Variants in DCP1A observed in about 807,000 individuals in gnomAD.
DCP1A encodes decapping mRNA 1A.
In DCP1A, 20 loss-of-function variants were observed where a neutral mutation model predicts 58.0. That is an observed-to-expected ratio of 0.34 (90% CI 0.24 to 0.50). The LOEUF is 0.50. Among genes scored for constraint, DCP1A ranks in the 20% least tolerant of loss-of-function variants. The pLI, the probability that DCP1A is intolerant of heterozygous loss-of-function variation, is 0.98. For missense variants in DCP1A, 613 were observed against 712.2 expected (o/e 0.86, Z 1.59); for synonymous variants, 285 against 275.1 (o/e 1.04, Z -0.36).
At position 53,342,123 on chromosome 3, in the gene DCP1A, T is replaced by A. The variant is rs782778683; in HGVS notation, c.304+21A>T. On this transcript the variant is annotated intron_variant, in intron 3 of 9. Transcript: ENST00000610213. ...CACTCAATTTTAAATGTAATAACTATAATAAAACAGATATACTCACAGCTT... is the reference window on the plus strand; with the variant it reads ...CACTCAATTTTAAATGTAATAACTAAAATAAAACAGATATACTCACAGCTT... 2.5e-6 allele frequency: 4 copies of A among 1,573,656 alleles called. No individual in the cohort carries two copies. In the East Asian group the frequency reaches 9.2e-5, roughly 36 times the overall value.
intron 3 of DCP1A, among the ~76,000 whole-genome samples, chr3:53,328,660 G>A (rs1553690924): frequency 1.3e-5 from 2 of 152,216 alleles, no homozygotes; most frequent in Admixed American, 1.3e-4. Flanking sequence ...TTACCAAGAA[G>A]GCACTTGGTA....
At chr3:53,322,467 T>TTATA (rs200145954) in intron 3 of DCP1A, among the ~76,000 whole-genome samples, 47 of 148,890 alleles carry the variant, frequency 3.2e-4, no homozygotes, top group African/African-American at 1.1e-3. Flanking sequence ...AAAAAAAAAA[T>TTATA]TATATATATA....
chr3:53,312,508 T>G, intron 4 of DCP1A, 129 bp from the exon 5 acceptor site: 2 of 985,924 alleles, frequency 2.0e-6, no homozygotes, highest in Non-Finnish European at 1.4e-6. Context: ...TTTTTTTTTT[T>G]TTTTTGAGAT....
chr3:53,287,652 G>A lies in DCP1A; in HGVS notation c.1677C>T (p.Ser559=), dbSNP rs1466034299. The A allele has an allele frequency of 5.0e-6, 8 of 1,610,138 alleles. No homozygotes were observed. The highest frequency in any genetic ancestry group is 6.8e-6 in the Non-Finnish European group (8 of 1,176,524). The part of the protein sequence containing the change: ...DTLIHLIKND[S]SFLSTLHEVY... ...CTTCATGAAGTGTACTGAGGAAGCT[G>A]GAATCATTCTAGAAGAGATGGTAAA... The change falls in exon 10 of 10, where the codon TCC becomes TCT. Residue 559 remains serine (S), a synonymous_variant. Coordinates refer to ENST00000610213, the MANE Select transcript of DCP1A (RefSeq NM_018403.7).
chr3:53,296,192 G>A (rs148233079), intron 6 of DCP1A, among the ~76,000 whole-genome samples: 290 of 152,078 alleles, frequency 1.9e-3, no homozygotes, highest in African/African-American at 6.7e-3. Context: ...ACCGCGCCCG[G>A]CCCACCATGT....
chr3:53,327,230 A>G (rs1365845654), intron 3 of DCP1A, among the ~76,000 whole-genome samples: 2 of 152,082 alleles, frequency 1.3e-5, no homozygotes, highest in African/African-American at 2.4e-5. Context: ...TTTTCTACCA[A>G]TTTACTAATC....
Position 53,292,156 on chromosome 3 carries a change from C to T in DCP1A, c.1296G>A (p.Glu432=). The T allele has an allele frequency of 1.9e-6, 3 of 1,613,924 alleles. No homozygotes were observed. Among genetic ancestry groups the T allele is most frequent in the Non-Finnish European group, 2.5e-6 (3 of 1,179,892 alleles). The change falls in exon 7 of 10, where the codon GAG becomes GAA. Residue 432 remains glutamate, a synonymous_variant. Transcript: ENST00000610213. The part of the protein sequence containing the change: ...SPAAGQLATP[E]SFIEPPSKTA... ...TCTTAGAGGGAGGCTCTATGAAGCTCTCAGGTGTGGCTAGCTGACCAGCTG... is the reference window on the plus strand; with the variant it reads ...TCTTAGAGGGAGGCTCTATGAAGCTTTCAGGTGTGGCTAGCTGACCAGCTG...
chr3:53,346,099 C>A (rs1165817120), intron 1 of DCP1A, among the ~76,000 whole-genome samples: 2 of 151,990 alleles, frequency 1.3e-5, no homozygotes, highest in Non-Finnish European at 2.9e-5. Flanking sequence ...AAACTCTAGC[C>A]CCAAGTCTTC....
At chr3:53,335,957 C>T (rs1286154366) in intron 3 of DCP1A, among the ~76,000 whole-genome samples, 1 of 150,480 alleles carries the variant, frequency 6.6e-6, no homozygotes, top group Non-Finnish European at 1.5e-5. Context: ...CCCAGGTCCA[C>T]CCGGCTAATT....
intron 6 of DCP1A, among the ~76,000 whole-genome samples, chr3:53,303,170 C>G (rs1191082450): frequency 6.6e-6 from 1 of 152,150 alleles, no homozygotes; most frequent in African/African-American, 2.4e-5. Flanking sequence ...AGGCTGGTCT[C>G]TAACTCCTGG....
At chr3:53,317,210 G>A (rs2106846298) in intron 4 of DCP1A, among the ~76,000 whole-genome samples, 1 of 152,198 alleles carries the variant, frequency 6.6e-6, no homozygotes, top group Middle Eastern at 3.4e-3. Flanking sequence ...TTGTTGCCCA[G>A]GCTGGAATGC....
chr3:53,299,696 T>C (rs1707250133), intron 6 of DCP1A, among the ~76,000 whole-genome samples: 1 of 152,236 alleles, frequency 6.6e-6, no homozygotes, highest in Admixed American at 6.5e-5. Flanking sequence ...CTATTAAGGC[T>C]TGACAGCAGT....
intron 3 of DCP1A, among the ~76,000 whole-genome samples, chr3:53,322,043 T>A (rs1311661878): frequency 6.6e-6 from 1 of 152,228 alleles, no homozygotes; most frequent in African/African-American, 2.4e-5. Context: ...ATTATCAATA[T>A]ATACCAATTT....
chr3:53,336,942 C>T (rs1553691998), intron 3 of DCP1A, among the ~76,000 whole-genome samples: 1 of 152,004 alleles, frequency 6.6e-6, no homozygotes, highest in African/African-American at 2.4e-5. Context: ...GCCATCTAGG[C>T]TCACTGCAAC....
intron 3 of DCP1A, among the ~76,000 whole-genome samples, chr3:53,333,665 C>CT (rs1553691590): frequency 6.6e-6 from 1 of 151,944 alleles, no homozygotes; most frequent in African/African-American, 2.4e-5. Flanking sequence ...TCTGCTTTAT[C>CT]TGTCAATTAC....
intron 2 of DCP1A, among the ~76,000 whole-genome samples, chr3:53,344,276 T>C (rs955470248): frequency 2.2e-4 from 34 of 152,216 alleles, no homozygotes; most frequent in Non-Finnish European, 2.9e-5. Flanking sequence ...ACCCCATGAC[T>C]ATCATATACT....
At position 53,342,810 on chromosome 3, in the gene DCP1A, C is replaced by G. The variant is rs562759383; in HGVS notation, c.177-539G>C. 1.8e-4 allele frequency among the ~76,000 whole-genome samples: 28 copies of G among 152,156 alleles called. 1 individual carries two copies. Among genetic ancestry groups the G allele is most frequent in the Non-Finnish European group, 3.2e-4 (22 of 68,034 alleles). On this transcript the variant is annotated intron_variant, in intron 2 of 9. Transcript: ENST00000610213. ...TTTTTAGTATTTATTGTCCTCCCCC[C>G]ACTAGGATGTAAGCCCCATGCAAAT... is the stretch of plus-strand genomic sequence containing the variant.
At chr3:53,343,150 C>G (rs868968738) in intron 2 of DCP1A, among the ~76,000 whole-genome samples, 13 of 152,146 alleles carry the variant, frequency 8.5e-5, no homozygotes, top group South Asian at 2.1e-4. Context: ...GAACACTATT[C>G]TATAGATTAG....
intron 6 of DCP1A, among the ~76,000 whole-genome samples, chr3:53,293,866 T>C (rs1281344922): frequency 6.6e-6 from 1 of 152,168 alleles, no homozygotes; most frequent in Non-Finnish European, 1.5e-5. Context: ...GTGCCAGGCA[T>C]TGTGCTGTGA....
Sources: gnomAD v4.1 joint callset for allele counts (sites outside exome capture counted in the v4.1 genomes callset) on GRCh38, gnomAD v4.1.1 for gene constraint, MANE v1.5 for transcripts, NCBI Gene and HGNC (gene_info 2026-07-23, HGNC 2026-07-21) for gene names.